NAV2: variants seen among roughly 807,000 people sequenced by gnomAD.
NAV2 encodes the protein helicase, APC down-regulated 1.
Under a neutral mutation model 223.2 loss-of-function variants are expected in NAV2, and 54 were observed. That is an observed-to-expected ratio of 0.24 (90% confidence interval 0.19 to 0.30). The LOEUF (loss-of-function observed/expected upper bound fraction) is 0.30. NAV2 is among the 10% of genes least tolerant of loss of function. NAV2 has a pLI of 1.00. For missense variants in NAV2, 2,806 were observed against 3,147.5 expected (o/e 0.89, Z 2.60); for synonymous variants, 1,279 against 1,239.3 (o/e 1.03, Z -0.67).
intron 1 of NAV2, among the ~76,000 whole-genome samples, chr11:19,524,521 A>G (rs1174213610): frequency 1.3e-5 from 2 of 152,188 alleles, no homozygotes; most frequent in Non-Finnish European, 2.9e-5. Context: ...GGCTTGGAGC[A>G]GGGCAGGCAC....
intron 11 of NAV2, among the ~76,000 whole-genome samples, chr11:19,984,931 A>T (rs2050641450): frequency 6.6e-6 from 1 of 152,190 alleles, no homozygotes; most frequent in African/African-American, 2.4e-5. Context: ...GATTTCTATG[A>T]TCCCTTCCAG....
intron 1 of NAV2, among the ~76,000 whole-genome samples, chr11:19,778,965 A>G (rs1368828865): frequency 2.0e-5 from 3 of 152,224 alleles, no homozygotes; most frequent in Non-Finnish European, 2.9e-5. Flanking sequence ...AAGAAAAAGA[A>G]TGATTTGCCA....
intron 2 of NAV2, among the ~76,000 whole-genome samples, chr11:19,836,590 C>A (rs2060252052): frequency 6.7e-6 from 1 of 150,338 alleles, no homozygotes; most frequent in South Asian, 2.1e-4. Context: ...AAGCTCCGAT[C>A]TGATGAATGA....
intron 1 of NAV2, among the ~76,000 whole-genome samples, chr11:19,739,962 C>T (rs1030883719): frequency 6.6e-6 from 1 of 152,114 alleles, no homozygotes; most frequent in Non-Finnish European, 1.5e-5. Context: ...GGAGGGGAAA[C>T]TGTATTATCC....
At chr11:19,922,160 G>A (rs1016560224) in intron 6 of NAV2, among the ~76,000 whole-genome samples, 10 of 152,128 alleles carry the variant, frequency 6.6e-5, no homozygotes, top group Non-Finnish European at 1.3e-4. Flanking sequence ...AACACCCACT[G>A]CTGTAATGGG....
intron 10 of NAV2, among the ~76,000 whole-genome samples, chr11:19,973,843 G>C (rs908741078): frequency 6.6e-6 from 1 of 152,208 alleles, no homozygotes; most frequent in Non-Finnish European, 1.5e-5. Flanking sequence ...ATAATGCTTT[G>C]AATTCAGCAT....
At chr11:19,743,299 T>G (rs1017562832) in intron 1 of NAV2, among the ~76,000 whole-genome samples, 1 of 152,214 alleles carries the variant, frequency 6.6e-6, no homozygotes, top group South Asian at 2.1e-4. Flanking sequence ...ACTTCTGAAC[T>G]TGGGAGTCAG....
chr11:19,393,926 A>T (rs565696797), intron 1 of NAV2, among the ~76,000 whole-genome samples: 1 of 116,440 alleles, frequency 8.6e-6, no homozygotes, highest in African/African-American at 3.2e-5. Context: ...TTTTAGGTCA[A>T]ATCTCACTTC....
At chr11:19,693,454 A>G (rs1369634818) in intron 1 of NAV2, among the ~76,000 whole-genome samples, 1 of 152,208 alleles carries the variant, frequency 6.6e-6, no homozygotes, top group African/African-American at 2.4e-5. Context: ...CCATAAATAT[A>G]CCATAGCCCT....
Position 20,105,689 on chromosome 11 carries a change from G to A in NAV2, c.6803G>A (p.Arg2268His), listed in dbSNP as rs201060203. ...CCCAAGGTCTGGCATCACCTCAACC[G>A]CTTCCTGGAGGCTCACAGTTCCTCG... The part of the protein sequence containing the change: ...WIPKVWHHLN[R>H]FLEAHSSSDV... The change falls in exon 35 of 38, where the codon CGC (arginine) becomes CAC (histidine). Residue 2268 changes from arginine (R) to histidine (H), a missense_variant. Physicochemically the swap from Arg to His is conservative, Grantham distance 29. Around this residue, in one of 4 missense-constraint regions of NAV2, gnomAD observed 824 missense variants for 1,069.4 expected, o/e 0.77. Coordinates refer to ENST00000349880, the MANE Select transcript of NAV2 (RefSeq NM_145117.5). 6.1e-5 allele frequency: 98 copies of A among 1,613,226 alleles called. No homozygotes were observed. The highest frequency in any genetic ancestry group is 4.0e-5 in the African/African-American group (3 of 74,890).
At chr11:19,514,704 C>T (rs868172615) in intron 1 of NAV2, among the ~76,000 whole-genome samples, 6 of 152,156 alleles carry the variant, frequency 3.9e-5, no homozygotes, top group African/African-American at 9.7e-5. Context: ...AAACTTCCAA[C>T]GCCAGGCCAG....
intron 19 of NAV2, among the ~76,000 whole-genome samples, chr11:20,061,111 G>A (rs912328402): frequency 1.3e-5 from 2 of 152,178 alleles, no homozygotes; most frequent in Non-Finnish European, 2.9e-5. Context: ...CAGGAAAGCT[G>A]TGCCCAGTTA....
At chr11:19,625,824 T>C (rs1397139340) in intron 1 of NAV2, among the ~76,000 whole-genome samples, 1 of 152,194 alleles carries the variant, frequency 6.6e-6, no homozygotes, top group Non-Finnish European at 1.5e-5. Flanking sequence ...TTTTTTCATA[T>C]ATTTCTTGGC....
intron 4 of NAV2, among the ~76,000 whole-genome samples, chr11:19,874,909 C>G (rs1272169902): frequency 3.3e-5 from 5 of 152,350 alleles, no homozygotes; most frequent in African/African-American, 1.2e-4. Context: ...TTAATCCCAG[C>G]ACTTTGGGAG....
At chr11:19,599,290 T>G (rs1211656318) in intron 1 of NAV2, among the ~76,000 whole-genome samples, 1 of 152,332 alleles carries the variant, frequency 6.6e-6, no homozygotes, top group Non-Finnish European at 1.5e-5. Context: ...GAATTGCAAA[T>G]GGTTTGGCTG....
chr11:19,976,136 C>T (rs191529383), intron 10 of NAV2, among the ~76,000 whole-genome samples: 2 of 152,274 alleles, frequency 1.3e-5, no homozygotes, highest in African/African-American at 4.8e-5. Flanking sequence ...ATCTGTGCTC[C>T]CCTCTACAGA....
intron 1 of NAV2, among the ~76,000 whole-genome samples, chr11:19,765,398 CCTCCCTCT>C (rs1401083857): frequency 7.3e-5 from 11 of 149,896 alleles, no homozygotes; most frequent in South Asian, 4.3e-4. Context: ...TCCTTCCCTC[CCTCCCTCT>C]CTCCCTCTCT....
chr11:19,526,747 T>G (rs1211111958), intron 1 of NAV2, among the ~76,000 whole-genome samples: 2 of 152,184 alleles, frequency 1.3e-5, no homozygotes, highest in Non-Finnish European at 1.5e-5. Context: ...AGGCCACCAC[T>G]GGCTTGGCAA....
intron 1 of NAV2, among the ~76,000 whole-genome samples, chr11:19,828,409 T>C (rs917337458): frequency 3.9e-5 from 6 of 152,250 alleles, no homozygotes; most frequent in Admixed American, 2.6e-4. Flanking sequence ...ATTTGATTCT[T>C]GTAGGTACCT....
Sources: allele counts gnomAD v4.1 joint callset (sites outside exome capture counted in the v4.1 genomes callset), GRCh38; gene constraint gnomAD v4.1.1; regional missense constraint gnomAD v4.1.1; transcripts MANE v1.5; gene names NCBI Gene and HGNC (gene_info 2026-07-23, HGNC 2026-07-21).